The following NBAS variants were observed in gnomAD, a reference collection of about 807,000 sequenced individuals.
The protein encoded by NBAS is NAG/BC035112 fusion.
NBAS carries 219 observed loss-of-function variants against 302.5 expected under a neutral mutation model. The ratio of observed to expected loss-of-function variants is 0.72; its 90% CI spans 0.65 to 0.81. The LOEUF (loss-of-function observed/expected upper bound fraction) is 0.81, where lower values mean the gene tolerates loss of function less well. Ranked by LOEUF, NBAS falls within the 30% of genes least tolerant of loss-of-function variation. NBAS has a pLI of 0.00. For missense variants in NBAS, 2,932 were observed against 2,841.6 expected, an observed-to-expected ratio of 1.03 and a Z score of -0.72; for synonymous variants, 1,118 against 1,021.6, an observed-to-expected ratio of 1.09 and a Z score of -1.80.
chr2:15,073,457 C>T, the NBAS span, among the ~76,000 whole-genome samples: 2 of 119,768 alleles, frequency 1.7e-5, no homozygotes, highest in African/African-American at 7.8e-5. Context: ...GCCTGGGCAA[C>T]AAGAGTGAAA....
chr2:15,152,227 C>T, the NBAS span, among the ~76,000 whole-genome samples: 1 of 152,168 alleles, frequency 6.6e-6, no homozygotes, highest in Admixed American at 6.5e-5. Flanking sequence ...AGTCAGCTGA[C>T]TGATGTTGAG....
At chr2:15,403,210 A>G (rs905106968) in intron 25 of NBAS, among the ~76,000 whole-genome samples, 31 of 152,202 alleles carry the variant, frequency 2.0e-4, no homozygotes, top group African/African-American at 7.2e-4. Flanking sequence ...AAGAGATAGG[A>G]AAGTGATGGA....
At chr2:15,430,523 T>C (rs187213049) in intron 21 of NBAS, among the ~76,000 whole-genome samples, 21 of 152,350 alleles carry the variant, frequency 1.4e-4, no homozygotes, top group African/African-American at 4.8e-4. Context: ...AATGTCTCAA[T>C]TTAGTCCTAT....
At chr2:14,897,709 G>C in the NBAS span, among the ~76,000 whole-genome samples, 1 of 151,638 alleles carries the variant, frequency 6.6e-6, no homozygotes, top group African/African-American at 2.4e-5. Context: ...ATCTCCTGTT[G>C]AGACATCACA....
intron 9 of NBAS, among the ~76,000 whole-genome samples, chr2:15,526,523 T>C (rs1185614879): frequency 2.0e-5 from 3 of 151,922 alleles, no homozygotes; most frequent in African/African-American, 7.3e-5. Context: ...TAACTGAAAA[T>C]AAATAAAAAT....
At chr2:15,284,406 A>G (rs1669952561) in intron 42 of NBAS, among the ~76,000 whole-genome samples, 1 of 152,180 alleles carries the variant, frequency 6.6e-6, no homozygotes. Flanking sequence ...AGTGACACCA[A>G]TAGGATTTGT....
At chr2:14,948,192 G>A in the NBAS span, among the ~76,000 whole-genome samples, 16 of 151,982 alleles carry the variant, frequency 1.1e-4, no homozygotes, top group Non-Finnish European at 2.1e-4. Flanking sequence ...TTCTTGTCTG[G>A]TTTTAATATC....
At position 15,415,569 on chromosome 2, in the gene NBAS, T is replaced by C. The variant is rs762608087; in HGVS notation, c.2914A>G (p.Ile972Val). 2.5e-6 allele frequency: 4 copies of C among 1,614,036 alleles called. No individual in the cohort carries two copies. In the East Asian group the frequency reaches 8.9e-5, roughly 36 times the overall value. ...ACATCTGGTTTGGAATGCTGAAATA[T>C]CTTCAGGGGAAATTTTAAGTCCCCT... is the stretch of plus-strand genomic sequence containing the variant. ...AKGDLKFPLK[I>V]FQHSKPDLQQ... is the part of the protein sequence containing the mutation. Residue 972 changes from isoleucine to valine, a missense_variant, in exon 25 of 52, where the codon ATA becomes GTA. Coordinates refer to ENST00000281513, the MANE Select transcript of NBAS (RefSeq NM_015909.4).
At chr2:15,526,251 A>G (rs1662907698) in intron 9 of NBAS, among the ~76,000 whole-genome samples, 1 of 152,180 alleles carries the variant, frequency 6.6e-6, no homozygotes, top group Admixed American at 6.5e-5. Flanking sequence ...GTGAGTTAGG[A>G]TATATAAAAA....
chr2:15,319,759 C>G (rs1415965944), intron 38 of NBAS, among the ~76,000 whole-genome samples: 1 of 152,018 alleles, frequency 6.6e-6, no homozygotes, highest in South Asian at 2.1e-4. Flanking sequence ...AATTAACAGC[C>G]TACCAACCAA....
chr2:14,879,457 C>T, the NBAS span, among the ~76,000 whole-genome samples: 1 of 152,132 alleles, frequency 6.6e-6, no homozygotes, highest in African/African-American at 2.4e-5. Flanking sequence ...TGTTCTCTAA[C>T]CCACCTTTAC....
At chr2:15,237,053 G>C (rs918446871) in intron 45 of NBAS, among the ~76,000 whole-genome samples, 28 of 152,126 alleles carry the variant, frequency 1.8e-4, no homozygotes, top group African/African-American at 6.3e-4. Context: ...AAATGTGTAA[G>C]GTTTAAGAAA....
At chr2:15,375,726 G>A (rs999458183) in intron 30 of NBAS, among the ~76,000 whole-genome samples, 1 of 152,022 alleles carries the variant, frequency 6.6e-6, no homozygotes, top group African/African-American at 2.4e-5. Context: ...TTACAGATAG[G>A]CTCGCACATG....
At chr2:14,993,951 G>A in the NBAS span, among the ~76,000 whole-genome samples, 21 of 152,318 alleles carry the variant, frequency 1.4e-4, no homozygotes, top group South Asian at 8.3e-4. Context: ...CAGTCCGGAA[G>A]ACAGAAGAGA....
At chr2:14,952,656 T>C in the NBAS span, among the ~76,000 whole-genome samples, 3 of 152,238 alleles carry the variant, frequency 2.0e-5, no homozygotes, top group African/African-American at 7.2e-5. Flanking sequence ...ATGCATGCTT[T>C]TAAGCAGAGA....
At chr2:15,454,647 T>C (rs551271938) in intron 21 of NBAS, among the ~76,000 whole-genome samples, 56 of 152,286 alleles carry the variant, frequency 3.7e-4, no homozygotes, top group Non-Finnish European at 5.3e-4. Context: ...TCCGTGTGCA[T>C]GTACATTCCT....
At chr2:15,260,083 T>C (rs916420596) in intron 44 of NBAS, among the ~76,000 whole-genome samples, 2 of 152,248 alleles carry the variant, frequency 1.3e-5, no homozygotes, top group Admixed American at 6.5e-5. Context: ...ATATGTTGTA[T>C]ACAAATAGAG....
At chr2:15,435,945 T>C (rs576593279) in intron 21 of NBAS, among the ~76,000 whole-genome samples, 4 of 152,342 alleles carry the variant, frequency 2.6e-5, no homozygotes, top group Admixed American at 1.3e-4. Context: ...TAATAACATA[T>C]AAGCAATAAT....
intron 42 of NBAS, among the ~76,000 whole-genome samples, chr2:15,283,451 C>T (rs1669909700): frequency 6.6e-6 from 1 of 152,092 alleles, no homozygotes; most frequent in African/African-American, 2.4e-5. Flanking sequence ...AGTGAGTTCT[C>T]ATGAGATCTG....
Sources: allele counts gnomAD v4.1 joint callset (sites outside exome capture counted in the v4.1 genomes callset), GRCh38; gene constraint gnomAD v4.1.1; transcripts MANE v1.5; gene names NCBI Gene and HGNC (gene_info 2026-07-23, HGNC 2026-07-21).